Variants in ADK observed in about 807,000 individuals in gnomAD.
The protein encoded by ADK is adenosine kinase.
A neutral mutation model predicts 44.7 loss-of-function variants in ADK; 24 were observed. That is an observed-to-expected ratio of 0.54 (90% CI 0.39 to 0.76). The LOEUF (loss-of-function observed/expected upper bound fraction) is 0.76, where lower values mean the gene tolerates loss of function less well. ADK is among the 30% of genes least tolerant of loss of function. The pLI, the probability that ADK is intolerant of heterozygous loss-of-function variation, is 0.00. For missense variants in ADK, 321 were observed against 425.1 expected (o/e 0.76, Z 2.15); for synonymous variants, 128 against 142.6 (o/e 0.90, Z 0.73).
At chr10:74,301,513 CAAAAAA>C (rs34310248) in intron 3 of ADK, among the ~76,000 whole-genome samples, 1 of 56,716 alleles carries the variant, frequency 1.8e-5, no homozygotes, top group Admixed American at 1.7e-4. Context: ...GACTCTGTCT[CAAAAAA>C]AAAAAAAAAA....
At chr10:74,510,356 C>G (rs1367971958) in intron 6 of ADK, among the ~76,000 whole-genome samples, 1 of 151,898 alleles carries the variant, frequency 6.6e-6, no homozygotes, top group Non-Finnish European at 1.5e-5. Flanking sequence ...CCATTTGTAT[C>G]TCTTTTGAGA....
At chr10:74,458,147 G>C (rs1357969858) in intron 6 of ADK, among the ~76,000 whole-genome samples, 3 of 92,154 alleles carry the variant, frequency 3.3e-5, no homozygotes, top group Non-Finnish European at 6.2e-5. Context: ...TTTTTTTTTT[G>C]GGGGGAGAAG....
chr10:74,674,273 A>T (rs1302163440), intron 10 of ADK, among the ~76,000 whole-genome samples: 2 of 152,184 alleles, frequency 1.3e-5, no homozygotes, highest in Non-Finnish European at 2.9e-5. Flanking sequence ...AAATACTAAA[A>T]GATCCATTGG....
chr10:74,419,021 C>T (rs766676653), intron 6 of ADK, among the ~76,000 whole-genome samples: 25 of 151,890 alleles, frequency 1.6e-4, no homozygotes, highest in Non-Finnish European at 3.1e-4. Flanking sequence ...TGAGAGTCAC[C>T]CTTTTATAGT....
intron 7 of ADK, among the ~76,000 whole-genome samples, chr10:74,541,790 A>ACT: frequency 4.1e-5 from 1 of 24,128 alleles, no homozygotes; most frequent in Non-Finnish European, 9.2e-5. Flanking sequence ...GAGAACCCCC[A>ACT]CACACCCCCC....
intron 7 of ADK, among the ~76,000 whole-genome samples, chr10:74,543,209 T>A (rs1289704828): frequency 7.8e-5 from 11 of 141,006 alleles, no homozygotes; most frequent in East Asian, 2.1e-4. Flanking sequence ...CTATTTCATT[T>A]AAAAAAAAAA....
chr10:74,415,341 A>G (rs1217996789), intron 6 of ADK, among the ~76,000 whole-genome samples: 1 of 152,180 alleles, frequency 6.6e-6, no homozygotes, highest in African/African-American at 2.4e-5. Context: ...AAATCTCTTT[A>G]ATAAACATGT....
At chr10:74,279,533 C>T (rs896923930) in intron 3 of ADK, among the ~76,000 whole-genome samples, 10 of 149,466 alleles carry the variant, frequency 6.7e-5, no homozygotes, top group Non-Finnish European at 1.3e-4. Flanking sequence ...GAGCCGAGAT[C>T]GTACCACTGC....
chr10:74,631,554 G>A (rs1853425834), intron 9 of ADK, among the ~76,000 whole-genome samples: 1 of 151,738 alleles, frequency 6.6e-6, no homozygotes, highest in Non-Finnish European at 1.5e-5. Flanking sequence ...CACTGTGCCT[G>A]GCCCTGTGTA....
At chr10:74,664,972 G>T (rs1854893657) in intron 9 of ADK, among the ~76,000 whole-genome samples, 1 of 152,180 alleles carries the variant, frequency 6.6e-6, no homozygotes, top group South Asian at 2.1e-4. Flanking sequence ...GTTGTTTTCT[G>T]TGTTTATCAA....
intron 4 of ADK, among the ~76,000 whole-genome samples, chr10:74,335,862 T>A (rs553742561): frequency 6.2e-4 from 94 of 151,996 alleles, no homozygotes; most frequent in Middle Eastern, 3.4e-3. Context: ...GCCTTTTTTT[T>A]AAAAAAAATT....
chr10:74,216,206 T>C (rs1488316735), intron 2 of ADK, among the ~76,000 whole-genome samples: 2 of 152,314 alleles, frequency 1.3e-5, no homozygotes, highest in African/African-American at 4.8e-5. Flanking sequence ...TGCATTACAG[T>C]CTTTCATGCA....
At chr10:74,578,809 A>G (rs1851282125) in intron 7 of ADK, among the ~76,000 whole-genome samples, 1 of 152,232 alleles carries the variant, frequency 6.6e-6, no homozygotes, top group African/African-American at 2.4e-5. Context: ...CTGAGTAGGT[A>G]ATTCTTCAGA....
intron 6 of ADK, among the ~76,000 whole-genome samples, chr10:74,405,338 C>T (rs1252573624): frequency 2.0e-5 from 3 of 151,680 alleles, no homozygotes; most frequent in Admixed American, 6.6e-5. Context: ...CACCTGAGCT[C>T]CACCTCCTGT....
At chr10:74,551,245 A>G (rs1850026450) in intron 7 of ADK, 1 of 152,218 alleles carries the variant, frequency 6.6e-6, no homozygotes, top group Non-Finnish European at 1.5e-5. Flanking sequence ...CTTATACCAC[A>G]CACCAAAATT....
intron 6 of ADK, among the ~76,000 whole-genome samples, chr10:74,399,229 T>C (rs1328488127): frequency 2.6e-5 from 4 of 151,266 alleles, no homozygotes; most frequent in Non-Finnish European, 4.4e-5. Context: ...TAAATGTGGC[T>C]TTACACAAAT....
chr10:74,175,217 C>T (rs978593255), intron 1 of ADK, among the ~76,000 whole-genome samples: 3 of 151,906 alleles, frequency 2.0e-5, no homozygotes, highest in African/African-American at 7.2e-5. Flanking sequence ...TCCGTTTCTA[C>T]CAAAAATACA....
At chr10:74,369,826 A>G (rs1343425460) in intron 4 of ADK, among the ~76,000 whole-genome samples, 1 of 152,186 alleles carries the variant, frequency 6.6e-6, no homozygotes, top group African/African-American at 2.4e-5. Context: ...TTCTAGATTA[A>G]AAAACAGAAG....
At chr10:74,392,427 C>T (rs1326934641) in intron 4 of ADK, among the ~76,000 whole-genome samples, 1 of 152,082 alleles carries the variant, frequency 6.6e-6, no homozygotes, top group Non-Finnish European at 1.5e-5. Flanking sequence ...AACATCTTTT[C>T]TTGTGCTTAT....
Sources: allele counts gnomAD v4.1 joint callset (sites outside exome capture counted in the v4.1 genomes callset), GRCh38; gene constraint gnomAD v4.1.1; transcripts MANE v1.5; gene names NCBI Gene and HGNC (gene_info 2026-07-23, HGNC 2026-07-21).